SHROOM4: variants seen among roughly 807,000 people sequenced by gnomAD.
SHROOM4 encodes the protein protein Shroom4.
A neutral mutation model predicts 80.3 loss-of-function variants in SHROOM4; 17 were observed. That is an observed-to-expected ratio of 0.21 (90% CI 0.14 to 0.32). The LOEUF is 0.32. Ranked by LOEUF, SHROOM4 falls within the 10% of genes least tolerant of loss-of-function variation. The probability of loss-of-function intolerance (pLI) is 1.00; values close to 1 mark genes in which losing one functional copy is unlikely to be tolerated. For missense variants in SHROOM4, 993 were observed against 1,140.3 expected, an observed-to-expected ratio of 0.87 and a Z score of 1.86; for synonymous variants, 400 against 437.5, an observed-to-expected ratio of 0.91 and a Z score of 1.07.
Position 50,750,361 on chromosome X carries a change from G to A in SHROOM4, c.118-54424C>T, listed in dbSNP as rs111409763. ...TGCAACCTTCGCCGCCTGGGTTCAA[G>A]TGATTCTCATGCCTCAGCCTCCCCC... On this transcript the variant is annotated intron_variant, in intron 1 of 8. Coordinates refer to ENST00000376020, the MANE Select transcript of SHROOM4 (RefSeq NM_020717.5). Among the ~76,000 whole-genome samples the A allele has an allele frequency of 6.1e-3, 686 of 112,137 alleles. 9 individuals carry two copies. The highest frequency in any genetic ancestry group is 0.021 in the African/African-American group (647 of 30,864).
At chrX:50,673,138 A>T (rs1450349671) in intron 2 of SHROOM4, among the ~76,000 whole-genome samples, 1 of 112,173 alleles carries the variant, frequency 8.9e-6, no homozygotes, top group Non-Finnish European at 1.9e-5. Context: ...GTATATGGGT[A>T]AATAAAATAG....
intron 1 of SHROOM4, among the ~76,000 whole-genome samples, chrX:50,802,906 A>G (rs1420526626): frequency 6.2e-5 from 7 of 112,466 alleles, no homozygotes; most frequent in African/African-American, 2.3e-4. Context: ...CCACTGACTC[A>G]CTTATGTAGC....
intron 5 of SHROOM4, among the ~76,000 whole-genome samples, chrX:50,609,900 A>G (rs988587297): frequency 9.0e-6 from 1 of 111,053 alleles, no homozygotes; most frequent in Admixed American, 9.6e-5. Context: ...TATAATAAAC[A>G]CTGACTAAAG....
intron 1 of SHROOM4, among the ~76,000 whole-genome samples, chrX:50,800,783 C>T (rs1004640501): frequency 5.4e-5 from 6 of 110,686 alleles, no homozygotes; most frequent in Admixed American, 9.6e-5. Context: ...CTCTATTCTA[C>T]AGGCAGCAGG....
At chrX:50,655,532 A>G (rs1932273324) in intron 2 of SHROOM4, among the ~76,000 whole-genome samples, 1 of 106,773 alleles carries the variant, frequency 9.4e-6, no homozygotes, top group African/African-American at 3.4e-5. Flanking sequence ...TATGAAATAT[A>G]TATTATATAT....
At position 50,814,177 on chromosome X, in the gene SHROOM4, G is replaced by A; in HGVS notation, c.-159C>T. On this transcript the variant is annotated 5_prime_UTR_variant, in exon 1 of 9. Transcript: ENST00000376020. ...CTGGAGACGCTCAGGCAGCGAGCGA[G>A]CGCAAGGAGGAAATGACACGGAGCT... The A allele has an allele frequency of 2.2e-6, 1 of 462,239 alleles. No individual in the cohort carries two copies. The highest frequency in any genetic ancestry group is 3.2e-5 in the South Asian group (1 of 31,177). The allele number at this position is 462,239 out of a possible 1,213,427, so 38.1% of individuals were successfully genotyped here.
chrX:50,753,960 T>G (rs373943235), intron 1 of SHROOM4, among the ~76,000 whole-genome samples: 5 of 111,754 alleles, frequency 4.5e-5, no homozygotes, highest in African/African-American at 1.6e-4. Flanking sequence ...AATTGTCTAT[T>G]TCATAACGTT....
At chrX:50,771,898 C>A (rs1236682743) in intron 1 of SHROOM4, among the ~76,000 whole-genome samples, 1 of 111,840 alleles carries the variant, frequency 8.9e-6, no homozygotes, top group South Asian at 3.7e-4. Context: ...AAGTGTAATA[C>A]AGTGATACCA....
intron 1 of SHROOM4, among the ~76,000 whole-genome samples, chrX:50,720,820 A>G (rs995617766): frequency 1.8e-5 from 2 of 111,998 alleles, no homozygotes; most frequent in Non-Finnish European, 3.8e-5. Flanking sequence ...TGGCTGAAGG[A>G]ATAGCAGATG....
chrX:50,605,481 T>C (rs1557248344), intron 6 of SHROOM4, among the ~76,000 whole-genome samples: 1 of 112,515 alleles, frequency 8.9e-6, no homozygotes, highest in African/African-American at 3.2e-5. Flanking sequence ...TAAAAATAAA[T>C]CTCTGGAGCA....
intron 1 of SHROOM4, among the ~76,000 whole-genome samples, chrX:50,713,689 C>G: frequency 1.8e-5 from 2 of 111,980 alleles, no homozygotes; most frequent in Middle Eastern, 4.6e-3. Flanking sequence ...ACAGTGCCAC[C>G]CACAGTACTG....
chrX:50,652,421 G>A (rs995955604), intron 2 of SHROOM4, among the ~76,000 whole-genome samples: 2 of 110,142 alleles, frequency 1.8e-5, no homozygotes, highest in African/African-American at 6.6e-5. Flanking sequence ...TTTTTGATGG[G>A]TTTTTTTTCT....
At chrX:50,625,003 A>C (rs2147272180) in intron 5 of SHROOM4, among the ~76,000 whole-genome samples, 1 of 112,005 alleles carries the variant, frequency 8.9e-6, no homozygotes, top group South Asian at 3.7e-4. Flanking sequence ...GTATGGCATT[A>C]GAAAAAGAAA....
At chrX:50,668,259 C>T (rs1470814148) in intron 2 of SHROOM4, among the ~76,000 whole-genome samples, 2 of 111,418 alleles carry the variant, frequency 1.8e-5, no homozygotes, top group African/African-American at 6.5e-5. Flanking sequence ...TGTTCAGAGG[C>T]GGCCTAGTGG....
At chrX:50,622,989 ACTTT>A (rs1237273568) in intron 5 of SHROOM4, among the ~76,000 whole-genome samples, 1 of 111,701 alleles carries the variant, frequency 9.0e-6, no homozygotes, top group Non-Finnish European at 1.9e-5. Context: ...CCACATCCTC[ACTTT>A]CTGAATCAGT....
At chrX:50,766,598 G>GA (rs1344288455) in intron 1 of SHROOM4, among the ~76,000 whole-genome samples, 10 of 110,843 alleles carry the variant, frequency 9.0e-5, no homozygotes, top group African/African-American at 2.6e-4. Flanking sequence ...ACACAAAAAA[G>GA]AAAAAAACAC....
At chrX:50,646,843 G>T (rs1931860332) in intron 2 of SHROOM4, among the ~76,000 whole-genome samples, 1 of 110,292 alleles carries the variant, frequency 9.1e-6, no homozygotes, top group Admixed American at 9.7e-5. Flanking sequence ...GAAAAGAAGG[G>T]AATGTTCGAG....
chrX:50,745,546 G>C (rs1447457289), intron 1 of SHROOM4, among the ~76,000 whole-genome samples: 1 of 111,713 alleles, frequency 9.0e-6, no homozygotes, highest in African/African-American at 3.3e-5. Flanking sequence ...GTCTAGGGTA[G>C]TGCCTTCATC....
intron 7 of SHROOM4, among the ~76,000 whole-genome samples, chrX:50,598,848 T>C (rs1256029235): frequency 2.7e-5 from 3 of 110,777 alleles, no homozygotes; most frequent in Non-Finnish European, 5.7e-5. Context: ...TTTTTTGAGA[T>C]GGAGTCTCAC....
Sources: gnomAD v4.1 joint callset for allele counts (sites outside exome capture counted in the v4.1 genomes callset) on GRCh38, gnomAD v4.1.1 for gene constraint, MANE v1.5 for transcripts, NCBI Gene and HGNC (gene_info 2026-07-23, HGNC 2026-07-21) for gene names.